ADAMTS14: variants seen among roughly 807,000 people sequenced by gnomAD.
The protein encoded by ADAMTS14 is A disintegrin and metalloproteinase with thrombospondin motifs 14.
Under a neutral mutation model 128.6 loss-of-function variants are expected in ADAMTS14, and 100 were observed. That is an observed-to-expected ratio of 0.78 (90% confidence interval 0.66 to 0.92). The LOEUF (loss-of-function observed/expected upper bound fraction) is 0.92, where lower values mean the gene tolerates loss of function less well. Among genes scored for constraint, ADAMTS14 ranks in the 40% least tolerant of loss-of-function variants. The pLI is 0.00. For synonymous variants in ADAMTS14, 665 were observed against 653.8 expected (o/e 1.02, Z -0.26); for missense variants, 1,562 against 1,658.6 (o/e 0.94, Z 1.01).
chr10:70,672,829 C>A lies in ADAMTS14; in HGVS notation c.27C>A (p.Ser9=). MAPLRALL[S]YLLPLHCALC... is the part of the protein sequence containing the mutation. ...TGGCTCCACTCCGCGCGCTGCTGTCCTACCTGCTGCCTTTGCACTGTGCGC... is the reference window on the plus strand; with the variant it reads ...TGGCTCCACTCCGCGCGCTGCTGTCATACCTGCTGCCTTTGCACTGTGCGC... The change falls in exon 1 of 22, where the codon TCC becomes TCA. Residue 9 remains serine, a synonymous_variant. Coordinates refer to ENST00000373207, the MANE Select transcript of ADAMTS14 (RefSeq NM_080722.4). The A allele has an allele frequency of 6.6e-7, 1 of 1,517,546 alleles. No homozygotes were observed. The highest frequency in any genetic ancestry group is 8.8e-7 in the Non-Finnish European group (1 of 1,137,038). 94.0% of individuals were successfully genotyped at this position (1,517,546 alleles called of 1,614,324 possible).
intron 12 of ADAMTS14, among the ~76,000 whole-genome samples, chr10:70,741,428 T>G (rs1215534922): frequency 6.6e-6 from 1 of 152,208 alleles, no homozygotes; most frequent in Non-Finnish European, 1.5e-5. Context: ...GCAAGGAAAG[T>G]GTCTTGAGGA....
intron 2 of ADAMTS14, among the ~76,000 whole-genome samples, chr10:70,685,033 C>T (rs2132544764): frequency 6.6e-6 from 1 of 152,398 alleles, no homozygotes; most frequent in Non-Finnish European, 1.5e-5. Flanking sequence ...CAGAGCCGGC[C>T]TCCCATTCCA....
chr10:70,749,848 T>C lies in ADAMTS14; in HGVS notation c.2290T>C (p.Phe764Leu). The C allele has an allele frequency of 6.2e-7, 1 of 1,613,978 alleles. No individual in the cohort carries two copies. Among genetic ancestry groups the C allele is most frequent in the Non-Finnish European group, 8.5e-7 (1 of 1,179,994 alleles). The change falls in exon 16 of 22, where the codon TTC becomes CTC. Residue 764 changes from phenylalanine (F) to leucine (L), a missense_variant. Coordinates refer to ENST00000373207, the MANE Select transcript of ADAMTS14 (RefSeq NM_080722.4). ...GGTGAAGAACCAGGTCACCGGCAGCTTCATCCTCAACCCCAAGGGCAAGGA... is the reference window on the plus strand; with the variant it reads ...GGTGAAGAACCAGGTCACCGGCAGCCTCATCCTCAACCCCAAGGGCAAGGA... ...IVVKNQVTGS[F>L]ILNPKGKEAT...
In ADAMTS14 at chr10:70,760,974, T is replaced by A. The variant is rs1472279575; in HGVS notation, c.*121T>A. On this transcript the variant is annotated 3_prime_UTR_variant, in exon 22 of 22. Coordinates refer to ENST00000373207, the MANE Select transcript of ADAMTS14 (RefSeq NM_080722.4). Reference sequence around the variant, plus strand: ...CAGACTTCATTTTAAATCATTCGCCTTCTTCTCGTTTGGGGCTGTGATGCT... The same window carrying A: ...CAGACTTCATTTTAAATCATTCGCCATCTTCTCGTTTGGGGCTGTGATGCT... The A allele has an allele frequency of 1.5e-6, 2 of 1,345,544 alleles. No homozygotes were observed. Among genetic ancestry groups the A allele is most frequent in the Non-Finnish European group, 2.0e-6 (2 of 1,024,108 alleles). The allele number at this position is 1,345,544 out of a possible 1,614,324, so 83.4% of individuals were successfully genotyped here. A position where few individuals can be genotyped will look rare whatever the true frequency, so the allele number is the denominator to read the frequency against.
chr10:70,707,219 T>A (rs1445835672), intron 3 of ADAMTS14, among the ~76,000 whole-genome samples: 1 of 152,220 alleles, frequency 6.6e-6, no homozygotes, highest in Non-Finnish European at 1.5e-5. Context: ...GCCCGGCCTT[T>A]ATCACCTACC....
chr10:70,738,886 A>G lies in ADAMTS14; in HGVS notation c.1644A>G (p.Thr548=), dbSNP rs1841909241. The change falls in exon 11 of 22, where the codon ACA becomes ACG. Residue 548 remains threonine (T), a synonymous_variant. Coordinates refer to ENST00000373207, the MANE Select transcript of ADAMTS14 (RefSeq NM_080722.4). ...GCATCTGGAAGTCGCCGGAGCAGAC[A>G]TATGGCCAGGATGGAGGCTGGAGCT... ...GHCIWKSPEQ[T]YGQDGGWSSW... 3.1e-6 allele frequency: 5 copies of G among 1,614,012 alleles called. No individual in the cohort carries two copies. The highest frequency in any genetic ancestry group is 1.7e-5 in the Admixed American group (1 of 60,002).
chr10:70,729,222 A>G, intron 4 of ADAMTS14, 72 bp from the exon 5 acceptor site: 1 of 1,294,892 alleles, frequency 7.7e-7, no homozygotes, highest in African/African-American at 1.5e-5. Flanking sequence ...TTAGGTACCT[A>G]CCCCAGTACC....
At chr10:70,682,147 G>A (rs1036371621) in intron 2 of ADAMTS14, among the ~76,000 whole-genome samples, 1 of 152,184 alleles carries the variant, frequency 6.6e-6, no homozygotes, top group Non-Finnish European at 1.5e-5. Context: ...CATAAGTCTG[G>A]GCCCCTGGGT....
At chr10:70,730,778 C>CG (rs1320853765) in intron 6 of ADAMTS14, among the ~76,000 whole-genome samples, 3 of 152,048 alleles carry the variant, frequency 2.0e-5, no homozygotes, top group South Asian at 2.1e-4. Context: ...CTAAAGGCCC[C>CG]GGGGGTGCAT....
chr10:70,700,509 C>A (rs1589275994), intron 2 of ADAMTS14, among the ~76,000 whole-genome samples: 1 of 152,258 alleles, frequency 6.6e-6, no homozygotes, highest in East Asian at 1.9e-4. Context: ...GGACAGGGGA[C>A]ATATAGCCTG....
In ADAMTS14 at chr10:70,674,639, G is replaced by A. The variant is rs141561275; in HGVS notation, c.166G>A (p.Val56Met). ...CTTTCGGGGACGCTTCCTCTCCCACGTGGTGTCTGGCCCAGCAGCAGCCTC... is the reference window on the plus strand; with the variant it reads ...CTTTCGGGGACGCTTCCTCTCCCACATGGTGTCTGGCCCAGCAGCAGCCTC... ...TDFRGRFLSH[V>M]VSGPAAASAG... is the part of the protein sequence containing the mutation. The change falls in exon 2 of 22, where the codon GTG (valine) becomes ATG (methionine). Residue 56 changes from valine to methionine, a missense_variant. By Grantham distance (21) the Val-to-Met change is conservative. Transcript: ENST00000373207. The A allele has an allele frequency of 3.1e-6, 5 of 1,613,670 alleles. No homozygotes were observed. The highest frequency in any genetic ancestry group is 1.7e-5 in the Admixed American group (1 of 60,034).
intron 1 of ADAMTS14, 104 bp from the exon 2 acceptor site, chr10:70,674,452 G>A: frequency 8.4e-7 from 1 of 1,186,392 alleles, no homozygotes; most frequent in Non-Finnish European, 1.2e-6. Context: ...CCACCTAAGG[G>A]TGACACTGAG....
chr10:70,703,784 C>T (rs1386082954), intron 3 of ADAMTS14, among the ~76,000 whole-genome samples: 4 of 152,204 alleles, frequency 2.6e-5, no homozygotes, highest in African/African-American at 7.2e-5. Context: ...ACTGAGCACA[C>T]GGAGCTGGAG....
At position 70,674,789 on chromosome 10, in the gene ADAMTS14, C is replaced by G; in HGVS notation, c.316C>G (p.Leu106Val). 1 of 1,613,684 alleles carries G rather than the reference C, an allele frequency of 6.2e-7. No homozygotes were observed. The highest frequency in any genetic ancestry group is 8.5e-7 in the Non-Finnish European group (1 of 1,180,030). The change falls in exon 2 of 22, where the codon CTC becomes GTC. Residue 106 changes from leucine (L) to valine (V), a missense_variant. Transcript: ENST00000373207. ...LWPGRVGRHS[L>V]YFNVTVFGKE... ...GCCTGGCAGGGTGGGGCGCCACTCC[C>G]TCTACTTCAATGTCACTGTTTTCGG...
At chr10:70,682,136 G>A (rs940771217) in intron 2 of ADAMTS14, among the ~76,000 whole-genome samples, 5 of 152,188 alleles carry the variant, frequency 3.3e-5, no homozygotes, top group Non-Finnish European at 7.3e-5. Flanking sequence ...GGAGCATTGA[G>A]CATAAGTCTG....
chr10:70,675,128 CGCCT>C, intron 2 of ADAMTS14, 133 bp downstream of exon 2: 1 of 1,088,146 alleles, frequency 9.2e-7, no homozygotes, highest in Non-Finnish European at 1.3e-6. Flanking sequence ...GAGGGAGTGC[CGCCT>C]GCCCCCGCGG....
At chr10:70,696,925 TGTGTATCACCCCAGCATCCAGTTGCTGG>T (rs563649120) in intron 2 of ADAMTS14, among the ~76,000 whole-genome samples, 6 of 152,254 alleles carry the variant, frequency 3.9e-5, no homozygotes, top group African/African-American at 1.4e-4. Context: ...CTGATCCTTG[TGTGTATCACCCCAGCATCCAGTTGCTGG>T]GTTTTCTTTT....
Position 70,750,002 on chromosome 10 carries a change from G to T in ADAMTS14, c.2427+17G>T. 6.2e-7 allele frequency: 1 copy of T among 1,611,190 alleles called. No individual in the cohort carries two copies. Among genetic ancestry groups the T allele is most frequent in the Non-Finnish European group, 8.5e-7 (1 of 1,178,044 alleles). On this transcript the variant is annotated intron_variant, in intron 16 of 21. Transcript: ENST00000373207. ...GCCATCCTGGTGAGCCCCACTCTGT[G>T]CGGTGGCAACCCCTGCCCACCCCAC...
intron 6 of ADAMTS14, among the ~76,000 whole-genome samples, chr10:70,731,552 C>G (rs1841638874): frequency 6.6e-6 from 1 of 152,178 alleles, no homozygotes; most frequent in South Asian, 2.1e-4. Context: ...CTGGTGCCGG[C>G]CCCCCTGCAC....
Sources: allele counts gnomAD v4.1 joint callset (sites outside exome capture counted in the v4.1 genomes callset), GRCh38; gene constraint gnomAD v4.1.1; transcripts MANE v1.5; gene names NCBI Gene and HGNC (gene_info 2026-07-23, HGNC 2026-07-21).